MECOM: variants seen among roughly 807,000 people sequenced by gnomAD.
MECOM encodes MDS1 and EVI1 complex locus.
MECOM carries 13 observed loss-of-function variants against 116.3 expected under a neutral mutation model. The ratio of observed to expected loss-of-function variants is 0.11; its 90% CI spans 0.07 to 0.18. The LOEUF (loss-of-function observed/expected upper bound fraction) is 0.18, where lower values mean the gene tolerates loss of function less well. Ranked by LOEUF, MECOM falls within the 10% of genes least tolerant of loss-of-function variation. The pLI, the probability that MECOM is intolerant of heterozygous loss-of-function variation, is 1.00. For missense variants in MECOM, 1,299 were observed against 1,509.0 expected (o/e 0.86, Z 2.31); for synonymous variants, 528 against 535.2 (o/e 0.99, Z 0.19).
At chr3:169,485,944 TGTATATATGTAC>T (rs1169987991) in intron 1 of MECOM, among the ~76,000 whole-genome samples, 3 of 101,310 alleles carry the variant, frequency 3.0e-5, no homozygotes, top group East Asian at 3.0e-4. Context: ...TATATATGTA[TGTATATATGTAC>T]ATATATACTA....
intron 2 of MECOM, among the ~76,000 whole-genome samples, chr3:169,357,116 T>TA: frequency 6.6e-6 from 1 of 151,846 alleles, no homozygotes; most frequent in Non-Finnish European, 1.5e-5. Flanking sequence ...TAAAAGCTCA[T>TA]AAAAAAGCTT....
intron 1 of MECOM, among the ~76,000 whole-genome samples, chr3:169,610,648 T>C (rs188276736): frequency 4.6e-5 from 7 of 152,282 alleles, no homozygotes; most frequent in Admixed American, 4.6e-4. Context: ...ATTTGCTGTG[T>C]ACATGTGCAT....
intron 3 of MECOM, among the ~76,000 whole-genome samples, 156 bp downstream of exon 3, chr3:169,143,542 T>G (rs1738768029): frequency 6.6e-6 from 1 of 152,176 alleles, no homozygotes; most frequent in African/African-American, 2.4e-5. Context: ...TAAATATGAA[T>G]TTGTTCTGCA....
chr3:169,276,886 G>A (rs775088846), intron 2 of MECOM, among the ~76,000 whole-genome samples: 1 of 152,240 alleles, frequency 6.6e-6, no homozygotes, highest in Non-Finnish European at 1.5e-5. Flanking sequence ...CATAGCAAGT[G>A]CGTAGCACAG....
chr3:169,252,292 C>T (rs148944787), intron 2 of MECOM, among the ~76,000 whole-genome samples: 1 of 151,934 alleles, frequency 6.6e-6, no homozygotes, highest in East Asian at 1.9e-4. Context: ...ACAAAATGAG[C>T]TTTAAATTTG....
chr3:169,589,646 C>A (rs188293229), intron 1 of MECOM, among the ~76,000 whole-genome samples: 86 of 152,242 alleles, frequency 5.6e-4, no homozygotes, highest in Non-Finnish European at 1.2e-3. Context: ...CCCTCCCCAA[C>A]CCCCACTGAT....
intron 2 of MECOM, among the ~76,000 whole-genome samples, chr3:169,333,872 C>T (rs1336409305): frequency 6.9e-6 from 1 of 145,304 alleles, no homozygotes; most frequent in Non-Finnish European, 1.5e-5. Flanking sequence ...TTCCTTCCTT[C>T]CTTCTCTCCT....
chr3:169,167,682 T>TA lies in MECOM; in HGVS notation c.376-23851dup, dbSNP rs1168730986. The stretch of plus-strand genomic sequence containing the variant: ...GATAATTGAAAGTATACTTTACAGA[T>TA]ATGTGATCTATACTTCTATGAATAG... On this transcript the variant is annotated intron_variant, in intron 2 of 16. Coordinates refer to ENST00000651503, the MANE Select transcript of MECOM (RefSeq NM_004991.4). Among the ~76,000 whole-genome samples the TA allele has an allele frequency of 2.0e-5, 3 of 152,300 alleles. No individual in the cohort carries two copies. In the East Asian group the frequency reaches 5.8e-4, roughly 29 times the overall value.
chr3:169,176,941 G>C, intron 2 of MECOM, among the ~76,000 whole-genome samples: 1 of 152,112 alleles, frequency 6.6e-6, no homozygotes, highest in East Asian at 1.9e-4. Context: ...AGTCAGAATG[G>C]CGATTATTTA....
In MECOM at chr3:169,240,061, C is replaced by A. The variant is rs142656550; in HGVS notation, c.376-96229G>T. On this transcript the variant is annotated intron_variant, in intron 2 of 16. Coordinates refer to ENST00000651503, the MANE Select transcript of MECOM (RefSeq NM_004991.4). ...TGGTTAAGCTAAATGTTTCAATAAC[C>A]AAATAAACTTCAGCAAGTGTAGTTT... 5.1e-4 allele frequency among the ~76,000 whole-genome samples: 77 copies of A among 152,198 alleles called. 1 individual carries two copies. In the East Asian group the frequency reaches 0.015, roughly 29 times the overall value.
At chr3:169,485,088 G>A (rs1265450946) in intron 1 of MECOM, among the ~76,000 whole-genome samples, 4 of 152,010 alleles carry the variant, frequency 2.6e-5, no homozygotes, top group African/African-American at 4.8e-5. Context: ...TCCACCCCCT[G>A]GGTTCAAGAA....
chr3:169,165,584 C>A (rs909049358), intron 2 of MECOM, among the ~76,000 whole-genome samples: 1 of 152,112 alleles, frequency 6.6e-6, no homozygotes, highest in Non-Finnish European at 1.5e-5. Flanking sequence ...GCTGTATACA[C>A]GATCTTGCAA....
chr3:169,515,466 T>C (rs1756511760), intron 1 of MECOM, among the ~76,000 whole-genome samples: 1 of 152,216 alleles, frequency 6.6e-6, no homozygotes, highest in Admixed American at 6.5e-5. Flanking sequence ...AAAGCTAATC[T>C]ATTTAGCAGG....
chr3:169,402,866 T>C (rs1316654770), intron 1 of MECOM, among the ~76,000 whole-genome samples: 1 of 152,136 alleles, frequency 6.6e-6, no homozygotes. Flanking sequence ...GTTTGCCAGG[T>C]ACACACCCCT....
At chr3:169,309,264 A>G (rs185172026) in intron 2 of MECOM, among the ~76,000 whole-genome samples, 18 of 152,338 alleles carry the variant, frequency 1.2e-4, no homozygotes, top group African/African-American at 4.3e-4. Flanking sequence ...TGACATATGC[A>G]AGTTTAAATT....
intron 2 of MECOM, among the ~76,000 whole-genome samples, chr3:169,310,841 A>G (rs907147656): frequency 2.0e-5 from 3 of 152,160 alleles, no homozygotes; most frequent in African/African-American, 4.8e-5. Flanking sequence ...GTCTTCTTAA[A>G]AGGATTTTAG....
intron 2 of MECOM, among the ~76,000 whole-genome samples, chr3:169,356,006 T>C (rs1262614444): frequency 1.3e-5 from 2 of 151,902 alleles, no homozygotes; most frequent in African/African-American, 4.8e-5. Context: ...TAGTTTTTAA[T>C]TACTCAAAAT....
chr3:169,311,353 C>T (rs1718730847), intron 2 of MECOM, among the ~76,000 whole-genome samples: 1 of 152,174 alleles, frequency 6.6e-6, no homozygotes, highest in Admixed American at 6.5e-5. Context: ...ATAATACTTT[C>T]TTTAAATGGG....
chr3:169,299,926 C>T (rs906448574), intron 2 of MECOM, among the ~76,000 whole-genome samples: 3 of 152,154 alleles, frequency 2.0e-5, no homozygotes, highest in African/African-American at 7.2e-5. Flanking sequence ...TGTCACAAAG[C>T]TCTTGATTCT....
Sources: allele counts gnomAD v4.1 joint callset (sites outside exome capture counted in the v4.1 genomes callset), GRCh38; gene constraint gnomAD v4.1.1; transcripts MANE v1.5; gene names NCBI Gene and HGNC (gene_info 2026-07-23, HGNC 2026-07-21).